FOLH1: variants seen among roughly 807,000 people sequenced by gnomAD.
FOLH1 encodes the protein folate hydrolase 1.
Under a neutral mutation model 93.9 loss-of-function variants are expected in FOLH1, and 54 were observed. That is an observed-to-expected ratio of 0.57 (90% CI 0.46 to 0.72). The LOEUF is 0.72. Among genes scored for constraint, FOLH1 ranks in the 30% least tolerant of loss-of-function variants. The pLI is 0.00. For missense variants in FOLH1, 571 were observed against 892.5 expected (o/e 0.64, Z 4.59); for synonymous variants, 249 against 303.6 (o/e 0.82, Z 1.87).
At chr11:49,161,877 G>A (rs755241096) in intron 13 of FOLH1, among the ~76,000 whole-genome samples, 25 of 152,236 alleles carry the variant, frequency 1.6e-4, no homozygotes, top group African/African-American at 4.1e-4. Context: ...TCTCCTTCAC[G>A]TATAAAGCTT....
At chr11:49,158,106 C>T in intron 13 of FOLH1, 63 bp from the exon 14 acceptor site, 1 of 1,465,166 alleles carries the variant, frequency 6.8e-7, no homozygotes, top group South Asian at 1.4e-5. Context: ...AACTAGATGT[C>T]CATTAACCAG....
intron 17 of FOLH1, among the ~76,000 whole-genome samples, chr11:49,149,357 C>T (rs1856196583): frequency 6.6e-6 from 1 of 152,086 alleles, no homozygotes; most frequent in African/African-American, 2.4e-5. Context: ...CTTGCTCTGC[C>T]TCAGTGAGGA....
At position 49,153,881 on chromosome 11, in the gene FOLH1, C is replaced by A; in HGVS notation, c.1935G>T (p.Lys645Asn). ...AVKNFTEIAS[K>N]FSERLQDFDK... is the part of the protein sequence containing the mutation. ...CAAAGTCCTGGAGTCTCTCACTGAA[C>A]TTGGAAGCAATTTCTGTAAAATTCT... is the stretch of plus-strand genomic sequence containing the variant. The change falls in exon 17 of 19, where the codon AAG becomes AAT. Residue 645 changes from lysine (K) to asparagine (N), a missense_variant. Physicochemically the swap from Lys to Asn is moderately conservative, Grantham distance 94. Around this residue, in one of 2 missense-constraint regions of FOLH1, gnomAD observed 500 missense variants for 822.9 expected, o/e 0.61. Coordinates refer to ENST00000256999, the MANE Select transcript of FOLH1 (RefSeq NM_004476.3). 6.2e-7 allele frequency: 1 copy of A among 1,606,918 alleles called. No homozygotes were observed. Among genetic ancestry groups the A allele is most frequent in the East Asian group, 2.2e-5 (1 of 44,750 alleles).
At chr11:49,186,853 A>G in intron 4 of FOLH1, 84 bp from the exon 5 acceptor site, 1 of 1,442,858 alleles carries the variant, frequency 6.9e-7, no homozygotes, top group Non-Finnish European at 9.3e-7. Context: ...ACATTTTTGA[A>G]AGAGGGAAGA....
chr11:49,191,566 A>G (rs917361570), intron 4 of FOLH1, among the ~76,000 whole-genome samples: 3 of 152,254 alleles, frequency 2.0e-5, no homozygotes, highest in South Asian at 2.1e-4. Context: ...GTAATGTCAA[A>G]GTCCAAAAAT....
At chr11:49,181,176 C>T (rs1387345127) in intron 7 of FOLH1, among the ~76,000 whole-genome samples, 4 of 150,018 alleles carry the variant, frequency 2.7e-5, no homozygotes, top group Admixed American at 6.7e-5. Flanking sequence ...GGCGCGATCT[C>T]GGCTCACTGC....
intron 1 of FOLH1, among the ~76,000 whole-genome samples, chr11:49,207,228 C>T (rs937533406): frequency 6.6e-6 from 1 of 151,484 alleles, no homozygotes; most frequent in African/African-American, 2.4e-5. Context: ...GCAGAGAATC[C>T]TAGTGGGTGG....
intron 4 of FOLH1, 67 bp downstream of exon 4, chr11:49,192,726 C>G: frequency 1.5e-6 from 2 of 1,370,442 alleles, no homozygotes; most frequent in Non-Finnish European, 1.0e-6. Flanking sequence ...CTTTAATTAT[C>G]GGCTGAACAT....
rs1855787446 is a variant in FOLH1 at position 49,146,472 on chromosome 11, T to A, written c.*284A>T. 1.3e-5 allele frequency among the ~76,000 whole-genome samples: 2 copies of A among 152,168 alleles called. No homozygotes were observed. Among genetic ancestry groups the A allele is most frequent in the Admixed American group, 1.3e-4 (2 of 15,274 alleles). Reference sequence around the variant, plus strand: ...TAGATTAGACTTGATTCCCTGATAATGCCAGATGAGAGTTTTACTATATTA... The same window carrying A: ...TAGATTAGACTTGATTCCCTGATAAAGCCAGATGAGAGTTTTACTATATTA... On this transcript the variant is annotated 3_prime_UTR_variant, in exon 19 of 19. Coordinates refer to ENST00000256999, the MANE Select transcript of FOLH1 (RefSeq NM_004476.3).
intron 4 of FOLH1, among the ~76,000 whole-genome samples, chr11:49,189,397 T>C (rs1861777773): frequency 6.6e-6 from 1 of 152,168 alleles, no homozygotes; most frequent in Non-Finnish European, 1.5e-5. Context: ...ATAGAATTGT[T>C]TCCAAGCTGA....
intron 7 of FOLH1, among the ~76,000 whole-genome samples, chr11:49,181,107 A>ATTTT (rs35889777): frequency 7.5e-6 from 1 of 133,304 alleles, no homozygotes; most frequent in African/African-American, 2.7e-5. Context: ...CATGTTTTAA[A>ATTTT]TTTTTTTTTT....
intron 6 of FOLH1, among the ~76,000 whole-genome samples, chr11:49,185,396 T>C (rs555231997): frequency 6.6e-6 from 1 of 152,280 alleles, no homozygotes; most frequent in African/African-American, 2.4e-5. Context: ...CAGCCCCCTA[T>C]GTCACTGTTA....
At chr11:49,181,527 C>G (rs1487372494) in intron 7 of FOLH1, among the ~76,000 whole-genome samples, 1 of 152,028 alleles carries the variant, frequency 6.6e-6, no homozygotes, top group Admixed American at 6.5e-5. Flanking sequence ...TCTGGTACTA[C>G]ATATAATATC....
At chr11:49,165,291 C>T (rs563062079) in intron 12 of FOLH1, among the ~76,000 whole-genome samples, 3 of 152,258 alleles carry the variant, frequency 2.0e-5, no homozygotes, top group African/African-American at 7.2e-5. Context: ...CGATAAGTCC[C>T]CTGGGATAAG....
At chr11:49,205,026 C>G (rs1337878355) in intron 2 of FOLH1, among the ~76,000 whole-genome samples, 1 of 152,030 alleles carries the variant, frequency 6.6e-6, no homozygotes, top group African/African-American at 2.4e-5. Flanking sequence ...GCTTGACCAA[C>G]ATGGAGAAAC....
intron 8 of FOLH1, 132 bp from the exon 9 acceptor site, chr11:49,175,109 A>G (rs1859848767): frequency 1.3e-6 from 1 of 787,566 alleles, no homozygotes; most frequent in African/African-American, 1.8e-5. Flanking sequence ...ACTGATTAAC[A>G]GGAGAAAAGG....
intron 4 of FOLH1, among the ~76,000 whole-genome samples, chr11:49,189,331 C>T (rs1253236605): frequency 6.6e-6 from 1 of 152,018 alleles, no homozygotes; most frequent in South Asian, 2.1e-4. Context: ...TATTGTTTTC[C>T]TTTTTGACTA....
Position 49,175,819 on chromosome 11 carries a change from C to T in FOLH1, c.1019+40G>A, listed in dbSNP as rs200018956. 633 of 1,539,998 alleles carry T rather than the reference C, an allele frequency of 4.1e-4. 4 individuals are homozygous for T. The East Asian group carries it at 0.013, about 31-fold the overall frequency. On this transcript the variant is annotated intron_variant, in intron 8 of 18. Coordinates refer to ENST00000256999, the MANE Select transcript of FOLH1 (RefSeq NM_004476.3). ...CTCTATAGTATTTTTTTCTTTAAGT[C>T]TCCCCCTTAAAAGAGTTAAAATTAA...
chr11:49,162,213 A>G (rs1857788038), intron 13 of FOLH1, among the ~76,000 whole-genome samples: 1 of 152,072 alleles, frequency 6.6e-6, no homozygotes. Context: ...ATATCCTGGA[A>G]TATGTTTTCC....
Sources: gnomAD v4.1 joint callset for allele counts (sites outside exome capture counted in the v4.1 genomes callset) on GRCh38, gnomAD v4.1.1 for gene constraint, gnomAD v4.1.1 regional missense constraint, MANE v1.5 for transcripts, NCBI Gene and HGNC (gene_info 2026-07-23, HGNC 2026-07-21) for gene names.